RIC1: variants seen among roughly 807,000 people sequenced by gnomAD.
The protein encoded by RIC1 is guanine nucleotide exchange factor subunit RIC1.
Under a neutral mutation model 169.0 loss-of-function variants are expected in RIC1, and 88 were observed. The observed-to-expected ratio is 0.52, with a 90% CI of 0.44 to 0.62. The LOEUF is 0.62. RIC1 is among the 20% of genes least tolerant of loss of function. RIC1 has a pLI of 0.00. For synonymous variants in RIC1, 790 were observed against 601.5 expected, an observed-to-expected ratio of 1.31 and a Z score of -4.59; for missense variants, 1,877 against 1,725.5, an observed-to-expected ratio of 1.09 and a Z score of -1.56.
chr9:5,648,101 G>A (rs1054254285), intron 1 of RIC1, among the ~76,000 whole-genome samples: 2 of 151,930 alleles, frequency 1.3e-5, no homozygotes, highest in African/African-American at 4.8e-5. Context: ...TTCTGCCTCA[G>A]CCTCCCAAGT....
chr9:5,673,699 G>A (rs1420467331), intron 2 of RIC1, among the ~76,000 whole-genome samples: 1 of 151,512 alleles, frequency 6.6e-6, no homozygotes, highest in Admixed American at 6.6e-5. Context: ...GAATGTGGAA[G>A]AACAGTCAGA....
chr9:5,689,888 T>C, intron 2 of RIC1, 71 bp from the exon 3 acceptor site: 2 of 1,061,980 alleles, frequency 1.9e-6, no homozygotes, highest in Non-Finnish European at 2.7e-6. Context: ...TAAGAATTTA[T>C]AAAATTAAAA....
chr9:5,735,086 T>A, intron 7 of RIC1, among the ~76,000 whole-genome samples: 1 of 152,216 alleles, frequency 6.6e-6, no homozygotes, highest in East Asian at 1.9e-4. Context: ...TATTTCTCTT[T>A]AGTTACCTTT....
At chr9:5,680,055 T>G (rs1248940566) in intron 2 of RIC1, among the ~76,000 whole-genome samples, 2 of 152,184 alleles carry the variant, frequency 1.3e-5, no homozygotes, top group Non-Finnish European at 2.9e-5. Flanking sequence ...CATGAAGGGT[T>G]GTTGAATTTT....
At chr9:5,769,879 CT>C (rs1173608254) in intron 22 of RIC1, among the ~76,000 whole-genome samples, 1 of 152,092 alleles carries the variant, frequency 6.6e-6, no homozygotes. Flanking sequence ...GATGATATAA[CT>C]TTTAGGTGGT....
At chr9:5,722,220 T>TTC (rs1554673814) in intron 6 of RIC1, among the ~76,000 whole-genome samples, 1 of 147,658 alleles carries the variant, frequency 6.8e-6, no homozygotes, top group Non-Finnish European at 1.5e-5. Context: ...TTTTTTTTTT[T>TTC]CCACAGTACC....
chr9:5,703,965 G>A (rs1822399181), intron 3 of RIC1, among the ~76,000 whole-genome samples: 1 of 151,976 alleles, frequency 6.6e-6, no homozygotes, highest in African/African-American at 2.4e-5. Flanking sequence ...TTGAGAAACT[G>A]CCAGACTGTT....
At chr9:5,732,057 GT>G (rs907258272) in intron 6 of RIC1, among the ~76,000 whole-genome samples, 5 of 152,208 alleles carry the variant, frequency 3.3e-5, no homozygotes, top group Admixed American at 6.5e-5. Context: ...TGTTTCCGCT[GT>G]CAAAATGTTT....
chr9:5,637,636 C>T (rs955500035), intron 1 of RIC1, among the ~76,000 whole-genome samples: 2 of 152,196 alleles, frequency 1.3e-5, no homozygotes, highest in Non-Finnish European at 2.9e-5. Context: ...CTCTGGTAAT[C>T]ATCTTTCCAC....
chr9:5,774,182 A>C lies in RIC1; in HGVS notation c.4208A>C (p.Asp1403Ala), dbSNP rs1827444091. 4 of 1,613,900 alleles carry C rather than the reference A, an allele frequency of 2.5e-6. No individual in the cohort carries two copies. The highest frequency in any genetic ancestry group is 3.4e-6 in the Non-Finnish European group (4 of 1,179,974). The change falls in exon 26 of 26, where the codon GAC becomes GCC. Residue 1403 changes from aspartate to alanine, a missense_variant. By Grantham distance (126) the Asp-to-Ala change is moderately radical. Transcript: ENST00000414202. ...AATATGGTCAGCCGGAAAGAGGAGGACACAGCCCAAGCAGAGGAGGAAGAA... is the reference window on the plus strand; with the variant it reads ...AATATGGTCAGCCGGAAAGAGGAGGCCACAGCCCAAGCAGAGGAGGAAGAA... ...SSNMVSRKEE[D>A]TAQAEEEEPF... is the part of the protein sequence containing the mutation.
At chr9:5,744,441 T>C (rs1233800487) in intron 10 of RIC1, among the ~76,000 whole-genome samples, 1 of 152,084 alleles carries the variant, frequency 6.6e-6, no homozygotes, top group African/African-American at 2.4e-5. Context: ...ACAATACAGG[T>C]TGAGTACCCC....
chr9:5,754,266 C>T (rs919283109), intron 14 of RIC1, among the ~76,000 whole-genome samples: 2 of 152,202 alleles, frequency 1.3e-5, no homozygotes, highest in South Asian at 4.1e-4. Context: ...AGAATTTACA[C>T]TAAGCCCTAA....
At chr9:5,706,632 T>C (rs889157056) in intron 3 of RIC1, among the ~76,000 whole-genome samples, 5 of 152,226 alleles carry the variant, frequency 3.3e-5, no homozygotes, top group African/African-American at 4.8e-5. Context: ...TCATTACTTA[T>C]TATAGGTCTA....
At chr9:5,736,909 C>G (rs1355976048) in intron 7 of RIC1, among the ~76,000 whole-genome samples, 1 of 151,660 alleles carries the variant, frequency 6.6e-6, no homozygotes, top group Non-Finnish European at 1.5e-5. Context: ...AGTTCTAATC[C>G]TTGAGAAGAG....
chr9:5,762,387 A>G (rs781617420), intron 17 of RIC1, among the ~76,000 whole-genome samples, 154 bp from the exon 18 acceptor site: 2 of 152,202 alleles, frequency 1.3e-5, no homozygotes, highest in Admixed American at 6.5e-5. Context: ...AAAGCTCCTT[A>G]TATTCCCACA....
At chr9:5,737,135 C>G (rs537035735) in intron 7 of RIC1, among the ~76,000 whole-genome samples, 13 of 152,298 alleles carry the variant, frequency 8.5e-5, no homozygotes, top group African/African-American at 2.9e-4. Context: ...GCCTCATTTT[C>G]AAATGCTGAA....
At chr9:5,704,319 T>A (rs749677190) in intron 3 of RIC1, among the ~76,000 whole-genome samples, 1 of 151,872 alleles carries the variant, frequency 6.6e-6, no homozygotes, top group Non-Finnish European at 1.5e-5. Context: ...CAAGCAATCC[T>A]CTCACCTCAG....
At chr9:5,733,345 G>A (rs1027937842) in intron 7 of RIC1, among the ~76,000 whole-genome samples, 4 of 150,284 alleles carry the variant, frequency 2.7e-5, no homozygotes, top group Non-Finnish European at 5.9e-5. Context: ...CTCACTGCAA[G>A]CTCCGTCTCC....
intron 3 of RIC1, among the ~76,000 whole-genome samples, chr9:5,707,817 C>T (rs150091655): frequency 0.013 from 2,033 of 152,108 alleles, 24 homozygotes; most frequent in Non-Finnish European, 0.02. Context: ...TTGGTTTATT[C>T]GAATCCATTC....
Sources: allele counts gnomAD v4.1 joint callset (sites outside exome capture counted in the v4.1 genomes callset), GRCh38; gene constraint gnomAD v4.1.1; transcripts MANE v1.5; gene names NCBI Gene and HGNC (gene_info 2026-07-23, HGNC 2026-07-21).